Variants in COL14A1 observed in about 807,000 individuals in gnomAD.
COL14A1 encodes collagen type XIV alpha 1 chain.
Under a neutral mutation model 230.3 loss-of-function variants are expected in COL14A1, and 136 were observed. The ratio of observed to expected loss-of-function variants is 0.59; its 90% CI spans 0.51 to 0.68. The LOEUF is 0.68. COL14A1 is among the 30% of genes least tolerant of loss of function. COL14A1 has a pLI of 0.00. For synonymous variants in COL14A1, 792 were observed against 784.1 expected (o/e 1.01, Z -0.17); for missense variants, 1,976 against 2,215.8 (o/e 0.89, Z 2.17).
chr8:120,225,191 C>CA lies in COL14A1; in HGVS notation c.1841_1842insA (p.Leu615SerfsTer19), dbSNP rs755527201. 5 of 1,612,142 alleles carry CA rather than the reference C, an allele frequency of 3.1e-6. No individual in the cohort carries two copies. The highest frequency in any genetic ancestry group is 4.2e-6 in the Non-Finnish European group (5 of 1,179,506). Reference sequence around the variant, plus strand: ...ATCTATGATGAAGGACAGTCAGAGCCTCTGACTGGAGTTTTTACCACCGGT... The same window carrying CA: ...ATCTATGATGAAGGACAGTCAGAGCCATCTGACTGGAGTTTTTACCACCGGT... On this transcript the variant is annotated frameshift_variant, in exon 15 of 48. Coordinates refer to ENST00000297848, the MANE Select transcript of COL14A1 (RefSeq NM_021110.4). LOFTEE classifies it high-confidence loss of function.
chr8:120,155,162 A>G (rs940004279), intron 2 of COL14A1, among the ~76,000 whole-genome samples: 1 of 152,198 alleles, frequency 6.6e-6, no homozygotes, highest in South Asian at 2.1e-4. Context: ...GTCTGTTGCT[A>G]AAAGGTAATA....
At chr8:120,263,129 C>T (rs528902647) in intron 24 of COL14A1, 115 bp downstream of exon 24, 65 of 1,139,192 alleles carry the variant, frequency 5.7e-5, no homozygotes, top group African/African-American at 4.5e-4. Context: ...CAGGAATATA[C>T]GTAATACAAG....
chr8:120,289,721 A>G lies in COL14A1; in HGVS notation c.4191A>G (p.Leu1397=), dbSNP rs777622591. 1 of 1,613,984 alleles carries G rather than the reference A, an allele frequency of 6.2e-7. No individual in the cohort carries two copies. Among genetic ancestry groups the G allele is most frequent in the Non-Finnish European group, 8.5e-7 (1 of 1,179,924 alleles). Residue 1397 remains leucine (L), a synonymous_variant, in exon 34 of 48, where the codon CTA becomes CTG. Coordinates refer to ENST00000297848, the MANE Select transcript of COL14A1 (RefSeq NM_021110.4). Reference sequence around the variant, plus strand: ...TCACGTCAGATGGTGTAGAAGTGCTAGGGAAAATGGTTCGATCAAGAGGAC... The same window carrying G: ...TCACGTCAGATGGTGTAGAAGTGCTGGGGAAAATGGTTCGATCAAGAGGAC... The part of the protein sequence containing the change: ...ANITSDGVEV[L]GKMVRSRGPG...
chr8:120,293,689 G>C (rs1477200857), intron 34 of COL14A1, among the ~76,000 whole-genome samples: 1 of 151,772 alleles, frequency 6.6e-6, no homozygotes, highest in Non-Finnish European at 1.5e-5. Context: ...GATAATTATA[G>C]AATAAAGGCA....
At chr8:120,167,959 T>C (rs113283147) in intron 4 of COL14A1, among the ~76,000 whole-genome samples, 87 of 152,330 alleles carry the variant, frequency 5.7e-4, no homozygotes, top group African/African-American at 1.9e-3. Context: ...AAGTAATTCC[T>C]TAAGTGTTTC....
intron 13 of COL14A1, among the ~76,000 whole-genome samples, chr8:120,213,738 C>T (rs1817673888): frequency 1.3e-5 from 2 of 152,084 alleles, no homozygotes; most frequent in African/African-American, 4.8e-5. Flanking sequence ...ACAACTCCTT[C>T]CCATGATTAG....
chr8:120,147,289 A>G (rs776920519), intron 1 of COL14A1, among the ~76,000 whole-genome samples: 5 of 152,124 alleles, frequency 3.3e-5, no homozygotes, highest in Admixed American at 6.6e-5. Context: ...GAAAAAGATG[A>G]AAGGATTAGG....
rs1814285772 is a variant in COL14A1, at chr8:120,125,221, G to GGATA, written c.-156_-153dup. The GGATA allele has an allele frequency of 6.6e-6, 1 of 152,428 alleles. No individual in the cohort carries two copies. Among genetic ancestry groups the GGATA allele is most frequent in the Non-Finnish European group, 1.5e-5 (1 of 68,180 alleles). 9.4% of individuals were successfully genotyped at this position (152,428 alleles called of 1,614,324 possible). A position where few individuals can be genotyped will look rare whatever the true frequency, so the allele number is the denominator to read the frequency against. On this transcript the variant is annotated 5_prime_UTR_variant, in exon 1 of 48. Transcript: ENST00000297848. ...AAAGAGAGAGAGGCTAATTAAAAAA[G>GGATA]GATACTCCGAGGGAAGAGAGCAAGG...
intron 1 of COL14A1, among the ~76,000 whole-genome samples, chr8:120,139,410 A>G (rs1248331546): frequency 6.6e-6 from 1 of 152,184 alleles, no homozygotes; most frequent in Non-Finnish European, 1.5e-5. Context: ...CATCTGGAGA[A>G]TGATAAAAAT....
intron 14 of COL14A1, among the ~76,000 whole-genome samples, chr8:120,218,117 T>C (rs1351558293): frequency 1.5e-5 from 2 of 137,584 alleles, no homozygotes; most frequent in Admixed American, 7.7e-5. Flanking sequence ...TATAAGTATA[T>C]ATCTATATAA....
intron 19 of COL14A1, among the ~76,000 whole-genome samples, chr8:120,236,658 T>C (rs1393221379): frequency 6.6e-6 from 1 of 152,194 alleles, no homozygotes; most frequent in South Asian, 2.1e-4. Flanking sequence ...GATCCCGTCA[T>C]TATGATGCTA....
intron 19 of COL14A1, among the ~76,000 whole-genome samples, chr8:120,237,960 A>G (rs1042586301): frequency 6.6e-6 from 1 of 152,094 alleles, no homozygotes; most frequent in Non-Finnish European, 1.5e-5. Context: ...AAAAGCAAAG[A>G]TTGCTGCCTG....
intron 1 of COL14A1, among the ~76,000 whole-genome samples, chr8:120,127,189 T>A (rs1814371269): frequency 6.6e-6 from 1 of 152,220 alleles, no homozygotes; most frequent in South Asian, 2.1e-4. Context: ...GACTGCTTCT[T>A]TTACCTAGCA....
intron 2 of COL14A1, among the ~76,000 whole-genome samples, chr8:120,153,810 C>T (rs946521052): frequency 6.6e-6 from 1 of 152,134 alleles, no homozygotes. Flanking sequence ...TCTGGGAAAT[C>T]CTCTGGGATA....
chr8:120,137,296 G>A lies in COL14A1; in HGVS notation c.-37-10510G>A, dbSNP rs142503430. Among the ~76,000 whole-genome samples, 8 of 152,164 alleles carry A rather than the reference G, an allele frequency of 5.3e-5. 1 individual carries two copies. The East Asian group carries it at 1.5e-3, about 29-fold the overall frequency. On this transcript the variant is annotated intron_variant, in intron 1 of 47. Coordinates refer to ENST00000297848, the MANE Select transcript of COL14A1 (RefSeq NM_021110.4). ...CCTTTTTAATTGTTTTTTAGTTTGT[G>A]AAGTAGGCAGTTATATCCTCTGTTA...
intron 40 of COL14A1, among the ~76,000 whole-genome samples, chr8:120,326,979 T>C (rs1343454497): frequency 1.3e-5 from 2 of 152,160 alleles, no homozygotes; most frequent in Non-Finnish European, 2.9e-5. Context: ...TGAGCCGAGA[T>C]TGTGCCACTG....
intron 45 of COL14A1, among the ~76,000 whole-genome samples, chr8:120,346,980 C>T (rs1411639441): frequency 6.6e-6 from 1 of 152,166 alleles, no homozygotes; most frequent in African/African-American, 2.4e-5. Flanking sequence ...AAAATGGCAT[C>T]ATTCCCTCAC....
intron 2 of COL14A1, among the ~76,000 whole-genome samples, chr8:120,153,067 A>G (rs1815343525): frequency 7.8e-6 from 1 of 127,810 alleles, no homozygotes; most frequent in Non-Finnish European, 1.8e-5. Flanking sequence ...AACCACATTA[A>G]AAAAAAATCC....
In COL14A1 at chr8:120,345,413, C is replaced by T. The variant is rs1822467502; in HGVS notation, c.4927C>T (p.Pro1643Ser). Residue 1643 changes from proline (P) to serine (S), a missense_variant, in exon 45 of 48, where the codon CCC becomes TCC. Pro to Ser is a moderately conservative substitution (Grantham distance 74). Coordinates refer to ENST00000297848, the MANE Select transcript of COL14A1 (RefSeq NM_021110.4). ...ARYTAILNQI[P>S]SHSSSIRTVQ... ...GTACACTGCCATCCTCAACCAGATTCCCAGCCACTCCTCATCCATCCGGAC... is the reference window on the plus strand; with the variant it reads ...GTACACTGCCATCCTCAACCAGATTTCCAGCCACTCCTCATCCATCCGGAC... 9 of 1,597,936 alleles carry T rather than the reference C, an allele frequency of 5.6e-6. No individual in the cohort carries two copies. Among genetic ancestry groups the T allele is most frequent in the Non-Finnish European group, 7.7e-6 (9 of 1,173,168 alleles).
Sources: allele counts gnomAD v4.1 joint callset (sites outside exome capture counted in the v4.1 genomes callset), GRCh38; gene constraint gnomAD v4.1.1; transcripts MANE v1.5; gene names NCBI Gene and HGNC (gene_info 2026-07-23, HGNC 2026-07-21).